PDE4DIP: variants seen among roughly 807,000 people sequenced by gnomAD.
PDE4DIP encodes myomegalin.
Under a neutral mutation model 221.4 loss-of-function variants are expected in PDE4DIP, and 59 were observed. The observed-to-expected ratio is 0.27, with a 90% CI of 0.22 to 0.33. PDE4DIP has a LOEUF of 0.33. Ranked by LOEUF, PDE4DIP falls within the 10% of genes least tolerant of loss-of-function variation. The pLI, the probability that PDE4DIP is intolerant of heterozygous loss-of-function variation, is 1.00. For synonymous variants in PDE4DIP, 404 were observed against 815.9 expected (o/e 0.50, Z 8.60); for missense variants, 1,036 against 2,154.2 (o/e 0.48, Z 10.28).
At chr1:149,019,831 C>T (rs1361516257) in intron 35 of PDE4DIP, among the ~76,000 whole-genome samples, 2 of 152,146 alleles carry the variant, frequency 1.3e-5, no homozygotes, top group East Asian at 3.9e-4. Flanking sequence ...TGACGTTGAT[C>T]TTTGTCAAAA....
chr1:149,001,949 G>C (rs1553578802), exon 24 of PDE4DIP: 2 of 1,415,236 alleles, frequency 1.4e-6, no homozygotes, highest in Non-Finnish European at 2.0e-6. Context: ...CCAAGAGGAG[G>C]GGAATGTGAC....
At chr1:148,996,467 G>A (rs1438763751) in intron 22 of PDE4DIP, among the ~76,000 whole-genome samples, 17 of 152,212 alleles carry the variant, frequency 1.1e-4, no homozygotes, top group Admixed American at 5.9e-4. Context: ...CCTGCCAGCA[G>A]AGTCTTAGAG....
At chr1:148,823,513 C>T (rs1201589544) in intron 1 of PDE4DIP, among the ~76,000 whole-genome samples, 3 of 150,452 alleles carry the variant, frequency 2.0e-5, no homozygotes, top group Admixed American at 6.6e-5. Flanking sequence ...GTCCACTGTA[C>T]GCATGCTCAT....
intron 41 of PDE4DIP, among the ~76,000 whole-genome samples, 177 bp downstream of exon 44, chr1:149,028,880 T>C (rs2075930074): frequency 6.6e-6 from 1 of 151,968 alleles, no homozygotes; most frequent in Admixed American, 6.6e-5. Flanking sequence ...GTGGCTGCTT[T>C]CATTACAGCT....
Position 148,977,819 on chromosome 1 carries a change from G to A in PDE4DIP, c.2320-118G>A, listed in dbSNP as rs1553538812. ...TGGATTATTGGTTTGATGCTGTAGA[G>A]CCCTATTCATGTTCTCATTTTCTTT... On this transcript the variant is annotated intron_variant, in intron 17 of 43. Transcript: ENST00000369354. 4 of 1,443,572 alleles carry A rather than the reference G, an allele frequency of 2.8e-6. No individual in the cohort carries two copies. The East Asian group carries it at 9.2e-5, about 33-fold the overall frequency. The allele number at this position is 1,443,572 out of a possible 1,614,324, so 89.4% of individuals were successfully genotyped here.
chr1:148,983,393 A>G (rs1396695717), intron 21 of PDE4DIP: 1 of 152,100 alleles, frequency 6.6e-6, no homozygotes, highest in Non-Finnish European at 1.5e-5. Flanking sequence ...ACTTCTGTCA[A>G]CCTCCAGCAA....
At chr1:149,022,588 TAC>T (rs1229701047) in intron 37 of PDE4DIP, among the ~76,000 whole-genome samples, 1 of 152,258 alleles carries the variant, frequency 6.6e-6, no homozygotes, top group Non-Finnish European at 1.5e-5. Flanking sequence ...ATAATTTAAG[TAC>T]ACAGTCATGG....
intron 43 of PDE4DIP, 84 bp from the exon 47 acceptor site, chr1:149,031,860 C>G (rs587627668): frequency 7.4e-7 from 1 of 1,345,198 alleles, no homozygotes; most frequent in Non-Finnish European, 1.0e-6. Context: ...TTGGTCACCA[C>G]GTAGCTCTCA....
intron 5 of PDE4DIP, among the ~76,000 whole-genome samples, chr1:148,945,641 GT>G (rs1404561676): frequency 6.6e-6 from 1 of 152,024 alleles, no homozygotes; most frequent in Non-Finnish European, 1.5e-5. Context: ...AGTTCATAGT[GT>G]ATGACTCTTA....
chr1:148,996,652 C>T (rs1553564784), intron 22 of PDE4DIP, among the ~76,000 whole-genome samples: 3 of 152,152 alleles, frequency 2.0e-5, no homozygotes, highest in South Asian at 2.1e-4. Context: ...TACTGTGAAT[C>T]GACCCTACCA....
At chr1:148,829,060 A>G (rs1671366865) in intron 1 of PDE4DIP, among the ~76,000 whole-genome samples, 1 of 149,756 alleles carries the variant, frequency 6.7e-6, no homozygotes, top group Admixed American at 6.7e-5. Flanking sequence ...ACACACACAC[A>G]CTTCCTCAAG....
chr1:148,924,313 G>A (rs1440897828), intron 1 of PDE4DIP, among the ~76,000 whole-genome samples: 1 of 152,162 alleles, frequency 6.6e-6, no homozygotes, highest in Admixed American at 6.5e-5. Context: ...ATCCAGTTAG[G>A]CTAGCAGATA....
upstream of PDE4DIP, among the ~76,000 whole-genome samples, chr1:148,885,792 AAT>A (rs1695811609): frequency 1.1e-5 from 1 of 92,796 alleles, no homozygotes; most frequent in Non-Finnish European, 2.2e-5. Context: ...ATATATATAA[AAT>A]ATATATATAG....
At chr1:148,952,044 G>T in intron 5 of PDE4DIP, 3 of 1,010,054 alleles carry the variant, frequency 3.0e-6, no homozygotes, top group Non-Finnish European at 3.6e-6. Flanking sequence ...GGAGGACGTG[G>T]CACTGTCCGA....
At chr1:148,930,063 T>C (rs1553468534) in intron 2 of PDE4DIP, 2 of 151,698 alleles carry the variant, frequency 1.3e-5, no homozygotes, top group African/African-American at 4.8e-5. Context: ...GAAGACTTGA[T>C]ATTTTTCTTT....
chr1:148,822,034 T>C (rs1286646999), intron 1 of PDE4DIP, among the ~76,000 whole-genome samples: 1 of 134,002 alleles, frequency 7.5e-6, no homozygotes, highest in Non-Finnish European at 1.6e-5. Context: ...GGAGTCTTTA[T>C]ATTAAGTTTT....
chr1:148,979,372 C>T (rs587625827), intron 19 of PDE4DIP, among the ~76,000 whole-genome samples: 4 of 152,236 alleles, frequency 2.6e-5, no homozygotes, highest in South Asian at 2.1e-4. Context: ...GAGTCTGTCC[C>T]GTAGAACGTG....
intron 5 of PDE4DIP, chr1:148,952,117 G>A: frequency 9.8e-7 from 1 of 1,024,720 alleles, no homozygotes; most frequent in Non-Finnish European, 1.2e-6. Flanking sequence ...ATCCTGCAGA[G>A]GCGGGAGGAT....
intron 1 of PDE4DIP, among the ~76,000 whole-genome samples, chr1:148,820,555 CAAAAAAAAA>C (rs148261220): frequency 5.1e-5 from 2 of 39,374 alleles, no homozygotes; most frequent in African/African-American, 9.0e-5. Flanking sequence ...AACTCCATCT[CAAAAAAAAA>C]AAAAAAAAAA....
Sources: gnomAD v4.1 joint callset for allele counts (sites outside exome capture counted in the v4.1 genomes callset) on GRCh38, gnomAD v4.1.1 for gene constraint, MANE v1.5 for transcripts, NCBI Gene and HGNC (gene_info 2026-07-23, HGNC 2026-07-21) for gene names.